The following PTPRN2 variants were observed in gnomAD, a reference collection of about 807,000 sequenced individuals.
The protein encoded by PTPRN2 is receptor-type tyrosine-protein phosphatase N2.
Under a neutral mutation model 118.8 loss-of-function variants are expected in PTPRN2, and 74 were observed. That is an observed-to-expected ratio of 0.62 (90% CI 0.52 to 0.76). The LOEUF (loss-of-function observed/expected upper bound fraction) is 0.76. PTPRN2 is among the 30% of genes least tolerant of loss of function. The pLI is 0.00. For missense variants in PTPRN2, 1,481 were observed against 1,394.4 expected (o/e 1.06, Z -0.99); for synonymous variants, 641 against 608.0 (o/e 1.05, Z -0.80).
chr7:158,472,731 C>T (rs1009128832), intron 2 of PTPRN2, among the ~76,000 whole-genome samples: 2 of 152,156 alleles, frequency 1.3e-5, no homozygotes, highest in South Asian at 2.1e-4. Context: ...CAGAGCAGAC[C>T]AACGTCCCAA....
At position 157,903,589 on chromosome 7, in the gene PTPRN2, G is replaced by A. The variant is rs140886225; in HGVS notation, c.1724-4852C>T. On this transcript the variant is annotated intron_variant, in intron 11 of 22. Coordinates refer to ENST00000389418, the MANE Select transcript of PTPRN2 (RefSeq NM_002847.5). The surrounding 1 kb of genome is among the most constrained non-coding windows in gnomAD (Gnocchi z 4.2). ...GGACCTTTTAAAATGTAGTTCAGTC[G>A]GTTTAAATCAGCGATTGAAGCAAAC... Among the ~76,000 whole-genome samples, 5 of 151,742 alleles carry A rather than the reference G, an allele frequency of 3.3e-5. No homozygotes were observed. The highest frequency in any genetic ancestry group is 3.9e-4 in the East Asian group (2 of 5,158).
At chr7:157,682,439 C>T (rs1234436593) in intron 13 of PTPRN2, among the ~76,000 whole-genome samples, 1 of 152,196 alleles carries the variant, frequency 6.6e-6, no homozygotes, top group Non-Finnish European at 1.5e-5. Flanking sequence ...ACAGATAATA[C>T]ATCATTCATG....
At chr7:158,187,371 G>T (rs894136640) in intron 5 of PTPRN2, among the ~76,000 whole-genome samples, 4 of 152,180 alleles carry the variant, frequency 2.6e-5, no homozygotes, top group Admixed American at 2.6e-4. Flanking sequence ...GAAGTTGATT[G>T]TACCTTCAAA....
intron 6 of PTPRN2, among the ~76,000 whole-genome samples, chr7:158,151,573 G>T (rs937487951): frequency 2.0e-5 from 3 of 149,546 alleles, no homozygotes; most frequent in Admixed American, 1.4e-4. Flanking sequence ...CTGTGGTGGG[G>T]TGGTGGTGGT....
At chr7:157,642,522 G>A (rs1804734670) in intron 14 of PTPRN2, among the ~76,000 whole-genome samples, 1 of 152,060 alleles carries the variant, frequency 6.6e-6, no homozygotes, top group South Asian at 2.1e-4. Flanking sequence ...TCCTCGCCTC[G>A]GGTTTCTCCA....
intron 3 of PTPRN2, among the ~76,000 whole-genome samples, chr7:158,230,340 A>T (rs146196131): frequency 3.7e-4 from 56 of 152,348 alleles, no homozygotes; most frequent in African/African-American, 1.2e-3. Context: ...AAAAGTAAGC[A>T]CTCAAACTAA....
chr7:158,362,185 C>T (rs1250039960), intron 2 of PTPRN2, among the ~76,000 whole-genome samples: 1 of 152,242 alleles, frequency 6.6e-6, no homozygotes, highest in African/African-American at 2.4e-5. Flanking sequence ...ATCGCCCCAG[C>T]TCTCCTAACT....
rs145200244 is a variant in PTPRN2 at position 158,138,712 on chromosome 7, C to G, written c.911-197G>C. On this transcript the variant is annotated intron_variant, in intron 6 of 22. Coordinates refer to ENST00000389418, the MANE Select transcript of PTPRN2 (RefSeq NM_002847.5). ...AATCCACCTGACCCTGTAACCATCACTAGTTCAGTTCCCCAGAGGTGGAAA... is the reference window on the plus strand; with the variant it reads ...AATCCACCTGACCCTGTAACCATCAGTAGTTCAGTTCCCCAGAGGTGGAAA... 7.5e-3 allele frequency among the ~76,000 whole-genome samples: 1,139 copies of G among 152,326 alleles called. 20 individuals carry two copies. Among genetic ancestry groups the G allele is most frequent in the African/African-American group, 0.026 (1,090 of 41,582 alleles).
chr7:158,361,726 T>TG lies in PTPRN2; in HGVS notation c.164-44795dup, dbSNP rs1334896091. 1.2e-4 allele frequency among the ~76,000 whole-genome samples: 18 copies of TG among 152,250 alleles called. No individual in the cohort carries two copies. In the East Asian group the frequency reaches 3.5e-3, roughly 29 times the overall value. On this transcript the variant is annotated intron_variant, in intron 2 of 22. Coordinates refer to ENST00000389418, the MANE Select transcript of PTPRN2 (RefSeq NM_002847.5). ...GGGATCCTAGGCAGGCATGGATCTG[T>TG]GTTCCCCCAACACAGATACCAACAA...
At chr7:158,256,993 T>G (rs1797061737) in intron 3 of PTPRN2, among the ~76,000 whole-genome samples, 1 of 152,132 alleles carries the variant, frequency 6.6e-6, no homozygotes, top group Non-Finnish European at 1.5e-5. Flanking sequence ...AGATCCCCTG[T>G]AAATTCCGGA....
chr7:158,182,470 A>T (rs1246039706), intron 5 of PTPRN2, among the ~76,000 whole-genome samples: 2 of 148,068 alleles, frequency 1.4e-5, no homozygotes, highest in Non-Finnish European at 3.0e-5. Context: ...ATTTCCCTCC[A>T]CTCTCCCCCC....
chr7:158,217,053 C>G (rs1242997660), intron 3 of PTPRN2, among the ~76,000 whole-genome samples: 2 of 152,154 alleles, frequency 1.3e-5, no homozygotes, highest in African/African-American at 4.8e-5. Context: ...ATGGCACATA[C>G]AGTTAAAACT....
intron 11 of PTPRN2, among the ~76,000 whole-genome samples, chr7:157,989,456 A>C (rs189503681): frequency 7.9e-5 from 12 of 152,154 alleles, no homozygotes; most frequent in Admixed American, 7.2e-4. Context: ...AAAAGAAAGA[A>C]AGACAGCGGT....
At chr7:157,885,082 CAG>C (rs1230500512) in intron 12 of PTPRN2, among the ~76,000 whole-genome samples, 1 of 152,136 alleles carries the variant, frequency 6.6e-6, no homozygotes, top group South Asian at 2.1e-4. Context: ...CTCAGAAGAA[CAG>C]AGACACTACT....
intron 2 of PTPRN2, among the ~76,000 whole-genome samples, chr7:158,336,464 C>G (rs112349223): frequency 0.082 from 3,819 of 46,462 alleles, 22 homozygotes; most frequent in South Asian, 0.12. Context: ...CACTCACACC[C>G]ACACTCTCAC....
At chr7:157,995,287 G>A (rs1019938500) in intron 11 of PTPRN2, among the ~76,000 whole-genome samples, 26 of 149,218 alleles carry the variant, frequency 1.7e-4, no homozygotes, top group Admixed American at 1.1e-3. Context: ...TAAAATCAAC[G>A]CCGCATCCCC....
chr7:157,574,762 G>A (rs1172387219), intron 19 of PTPRN2, among the ~76,000 whole-genome samples: 4 of 152,200 alleles, frequency 2.6e-5, no homozygotes, highest in Non-Finnish European at 4.4e-5. Flanking sequence ...CTTTCCTGTC[G>A]CTGAAATCGG....
chr7:157,762,915 G>A (rs1802228457), intron 12 of PTPRN2, among the ~76,000 whole-genome samples: 1 of 152,164 alleles, frequency 6.6e-6, no homozygotes, highest in South Asian at 2.1e-4. Flanking sequence ...CCCCTGAAAA[G>A]CATGTTAGGC....
intron 3 of PTPRN2, among the ~76,000 whole-genome samples, chr7:158,218,961 C>T (rs1315443304): frequency 2.0e-5 from 3 of 152,120 alleles, no homozygotes; most frequent in East Asian, 3.9e-4. Flanking sequence ...TATAAAGAGA[C>T]ATAAACACAA....
Sources: gnomAD v4.1 joint callset for allele counts (sites outside exome capture counted in the v4.1 genomes callset) on GRCh38, gnomAD v4.1.1 for gene constraint, Gnocchi (gnomAD v3.1) non-coding constraint, MANE v1.5 for transcripts, NCBI Gene and HGNC (gene_info 2026-07-23, HGNC 2026-07-21) for gene names.